Variants in PBLD observed in about 807,000 individuals in gnomAD.
PBLD encodes phenazine biosynthesis-like domain-containing protein.
In PBLD, 26 loss-of-function variants were observed where a neutral mutation model predicts 31.3. The ratio of observed to expected loss-of-function variants is 0.83; its 90% CI spans 0.61 to 1.15. The LOEUF is 1.15. Ranked by LOEUF, PBLD falls within the 50% of genes most tolerant of loss-of-function variation. The pLI, the probability that PBLD is intolerant of heterozygous loss-of-function variation, is 0.00. For synonymous variants in PBLD, 114 were observed against 129.0 expected (o/e 0.88, Z 0.79); for missense variants, 307 against 351.7 (o/e 0.87, Z 1.02).
intron 2 of PBLD, among the ~76,000 whole-genome samples, chr10:68,299,132 G>C (rs965632147): frequency 7.1e-6 from 1 of 141,814 alleles, no homozygotes; most frequent in Non-Finnish European, 1.5e-5. Flanking sequence ...AAAAAAAGTG[G>C]ACCCGAAGTA....
At position 68,283,003 on chromosome 10, in the gene PBLD, T is replaced by G. The variant is rs2044247821; in HGVS notation, c.*1174A>C. 6.6e-6 allele frequency: 1 copy of G among 152,116 alleles called. No individual in the cohort carries two copies. The highest frequency in any genetic ancestry group is 2.4e-5 in the African/African-American group (1 of 41,438). The allele number at this position is 152,116 out of a possible 1,614,324, so 9.4% of individuals were successfully genotyped here. ...AAGTAAGAGAAGAATTCCTTTTACA[T>G]TATCATTCTCAAGCCATATATCAAG... On this transcript the variant is annotated 3_prime_UTR_variant, in exon 10 of 10. Transcript: ENST00000358769.
chr10:68,320,814 C>T (rs2044823496), intron 1 of PBLD, among the ~76,000 whole-genome samples: 1 of 144,326 alleles, frequency 6.9e-6, no homozygotes, highest in South Asian at 2.3e-4. Flanking sequence ...CCATTGTGCT[C>T]AACCCCCTTT....
intron 1 of PBLD, among the ~76,000 whole-genome samples, chr10:68,314,043 C>A (rs1023446780): frequency 3.9e-5 from 6 of 152,128 alleles, no homozygotes; most frequent in African/African-American, 1.4e-4. Flanking sequence ...GTGGCACAAT[C>A]TTGGCTCACT....
intron 7 of PBLD, 39 bp downstream of exon 7, chr10:68,288,892 C>T (rs2044321243): frequency 6.4e-7 from 1 of 1,563,730 alleles, no homozygotes; most frequent in Non-Finnish European, 8.8e-7. Flanking sequence ...TCTGGGTACT[C>T]AGCCCTCCCC....
In PBLD at chr10:68,284,190, G is replaced by T. The variant is rs774657400; in HGVS notation, c.854C>A (p.Thr285Lys). 7.7e-5 allele frequency: 125 copies of T among 1,613,688 alleles called. No homozygotes were observed. Among genetic ancestry groups the T allele is most frequent in the Non-Finnish European group, 1.0e-4 (122 of 1,179,804 alleles). Reference protein sequence around the residue: ...RGGAAVVLEGTLTA With the variant: ...RGGAAVVLEGKLTA ...GCATAACCACCTCTAGGCTGTCAGT[G>T]TGCCCTCTAAAACAACAGCTGCACC... The change falls in exon 10 of 10, where the codon ACA becomes AAA. Residue 285 changes from threonine to lysine, a missense_variant. By Grantham distance (78) the Thr-to-Lys change is moderately conservative. Transcript: ENST00000358769.
intron 8 of PBLD, chr10:68,288,087 A>G (rs2044310967): frequency 5.6e-6 from 1 of 179,698 alleles, no homozygotes; most frequent in Non-Finnish European, 1.2e-5. Flanking sequence ...TATAATAGCT[A>G]GTAGTTATTG....
intron 1 of PBLD, among the ~76,000 whole-genome samples, chr10:68,332,417 C>T (rs2045196490): frequency 6.6e-6 from 1 of 152,294 alleles, no homozygotes; most frequent in South Asian, 2.1e-4. Context: ...AGGACTTGCT[C>T]AGGTGGAATT....
chr10:68,322,558 G>C (rs1418003453), intron 1 of PBLD, among the ~76,000 whole-genome samples: 1 of 151,310 alleles, frequency 6.6e-6, no homozygotes, highest in Non-Finnish European at 1.5e-5. Context: ...CAGCTAGTTG[G>C]GAGGCTAAGG....
intron 2 of PBLD, among the ~76,000 whole-genome samples, chr10:68,301,001 A>G (rs1264805457): frequency 6.6e-6 from 1 of 152,064 alleles, no homozygotes; most frequent in East Asian, 1.9e-4. Flanking sequence ...GGTTCAAGTG[A>G]TTCTCCTGCC....
At chr10:68,311,663 G>A (rs1208735932) in intron 1 of PBLD, among the ~76,000 whole-genome samples, 1 of 149,980 alleles carries the variant, frequency 6.7e-6, no homozygotes, top group Non-Finnish European at 1.5e-5. Flanking sequence ...GAGGCAGGAG[G>A]AGCGCTTGAA....
intron 1 of PBLD, among the ~76,000 whole-genome samples, chr10:68,319,053 G>GAAAGAAAGAAAGAA (rs1554860579): frequency 2.0e-5 from 2 of 98,894 alleles, no homozygotes; most frequent in Non-Finnish European, 1.9e-5. Context: ...AAGAAAGAGA[G>GAAAGAAAGAAAGAA]AGAAAGAAAG....
intron 2 of PBLD, among the ~76,000 whole-genome samples, chr10:68,306,534 T>C (rs2044581303): frequency 6.6e-6 from 1 of 152,232 alleles, no homozygotes; most frequent in Non-Finnish European, 1.5e-5. Context: ...TTGGCTCTAG[T>C]TCCTCTTTAT....
intron 1 of PBLD, among the ~76,000 whole-genome samples, chr10:68,326,570 T>C (rs761632633): frequency 3.8e-4 from 58 of 152,356 alleles, no homozygotes; most frequent in Middle Eastern, 3.4e-3. Context: ...TAGGATACTG[T>C]ACTTACTTTA....
Position 68,296,929 on chromosome 10 carries a change from A to G in PBLD, c.141T>C (p.Thr47=), listed in dbSNP as rs1331435663. 1 of 1,613,946 alleles carries G rather than the reference A, an allele frequency of 6.2e-7. No individual in the cohort carries two copies. Among genetic ancestry groups the G allele is most frequent in the African/African-American group, 1.3e-5 (1 of 74,910 alleles). Residue 47 remains threonine (T), a synonymous_variant, in exon 3 of 10, where the codon ACT becomes ACC. Transcript: ENST00000358769. The part of the protein sequence containing the change: ...KIAREMNLSE[T]AFIRKLHPTD... ...TCGGGTGCAGTTTTCGGATAAAAGC[A>G]GTTTCAGAGAGGTTCATCTCCCTTG...
intron 3 of PBLD, 149 bp from the exon 4 acceptor site, chr10:68,296,513 C>A (rs2044430000): frequency 1.6e-6 from 1 of 633,846 alleles, no homozygotes; most frequent in Admixed American, 2.9e-5. Flanking sequence ...AGGCAAGCAT[C>A]CTAGGGCTCC....
chr10:68,298,468 AT>A (rs919566769), intron 2 of PBLD, among the ~76,000 whole-genome samples: 66 of 152,104 alleles, frequency 4.3e-4, no homozygotes, highest in African/African-American at 1.3e-3. Context: ...CTCTAAAAAA[AT>A]TTTTTTTTAC....
chr10:68,317,740 G>A (rs1222781992), intron 1 of PBLD, among the ~76,000 whole-genome samples: 1 of 151,832 alleles, frequency 6.6e-6, no homozygotes, highest in East Asian at 1.9e-4. Context: ...AGGGGTTGCA[G>A]TGAGCCGAGA....
Position 68,323,299 on chromosome 10 carries a change from C to T in PBLD, c.-60+9485G>A, listed in dbSNP as rs7899154. Among the ~76,000 whole-genome samples, 443 of 152,102 alleles carry T rather than the reference C, an allele frequency of 2.9e-3. 2 individuals carry two copies. Among genetic ancestry groups the T allele is most frequent in the African/African-American group, 0.01 (421 of 41,502 alleles). Reference sequence around the variant, plus strand: ...ACCCTAGGCTGGGCATGGTGGCTCACGCCTGTAATCCCAGCACTTTGGGAG... The same window carrying T: ...ACCCTAGGCTGGGCATGGTGGCTCATGCCTGTAATCCCAGCACTTTGGGAG... On this transcript the variant is annotated intron_variant, in intron 1 of 9. Transcript: ENST00000358769.
intron 1 of PBLD, among the ~76,000 whole-genome samples, chr10:68,315,657 G>A (rs570435400): frequency 1.9e-4 from 29 of 152,046 alleles, no homozygotes; most frequent in Middle Eastern, 3.4e-3. Context: ...ATAGGGCTCT[G>A]CATATATCCT....
Sources: allele counts gnomAD v4.1 joint callset (sites outside exome capture counted in the v4.1 genomes callset), GRCh38; gene constraint gnomAD v4.1.1; transcripts MANE v1.5; gene names NCBI Gene and HGNC (gene_info 2026-07-23, HGNC 2026-07-21).